CADM2: variants seen among roughly 807,000 people sequenced by gnomAD.
The protein encoded by CADM2 is immunoglobulin superfamily member 4D.
Under a neutral mutation model 49.8 loss-of-function variants are expected in CADM2, and 12 were observed. The observed-to-expected ratio is 0.24, with a 90% confidence interval of 0.15 to 0.39. The LOEUF (loss-of-function observed/expected upper bound fraction) is 0.39. Among genes scored for constraint, CADM2 ranks in the 10% least tolerant of loss-of-function variants. The probability of loss-of-function intolerance (pLI) is 1.00; values close to 1 mark genes in which losing one functional copy is unlikely to be tolerated. For synonymous variants in CADM2, 214 were observed against 175.4 expected, an observed-to-expected ratio of 1.22 and a Z score of -1.74; for missense variants, 378 against 492.3, an observed-to-expected ratio of 0.77 and a Z score of 2.20.
chr3:85,380,125 A>G (rs2033818752), intron 1 of CADM2, among the ~76,000 whole-genome samples: 1 of 152,020 alleles, frequency 6.6e-6, no homozygotes, highest in South Asian at 2.1e-4. Context: ...ATTAATATAG[A>G]TTATTAAATG....
At chr3:85,272,366 G>A (rs183375724) in intron 1 of CADM2, among the ~76,000 whole-genome samples, 2 of 150,992 alleles carry the variant, frequency 1.3e-5, no homozygotes, top group South Asian at 4.2e-4. Flanking sequence ...TGATGAAAAA[G>A]AAGTATGTTA....
intron 1 of CADM2, among the ~76,000 whole-genome samples, chr3:85,688,192 A>G (rs563591968): frequency 2.6e-5 from 4 of 152,306 alleles, no homozygotes; most frequent in South Asian, 2.1e-4. Flanking sequence ...TATACAACAT[A>G]GTGAATTATG....
At chr3:85,911,171 C>A (rs1717534945) in intron 5 of CADM2, among the ~76,000 whole-genome samples, 1 of 152,154 alleles carries the variant, frequency 6.6e-6, no homozygotes, top group East Asian at 1.9e-4. Flanking sequence ...AGCAAGAAAA[C>A]TGAATACACT....
chr3:85,922,627 T>A (rs1035914429), intron 6 of CADM2, among the ~76,000 whole-genome samples: 2 of 152,102 alleles, frequency 1.3e-5, no homozygotes, highest in Non-Finnish European at 2.9e-5. Flanking sequence ...TCAAAATGCA[T>A]CTCTACTGTG....
chr3:85,270,010 A>G (rs2043203706), intron 1 of CADM2, among the ~76,000 whole-genome samples: 1 of 151,226 alleles, frequency 6.6e-6, no homozygotes. Context: ...GGAAAAAAGA[A>G]GCATCATCTT....
intron 1 of CADM2, among the ~76,000 whole-genome samples, chr3:85,707,580 A>C (rs2066990573): frequency 6.6e-6 from 1 of 152,116 alleles, no homozygotes; most frequent in Non-Finnish European, 1.5e-5. Context: ...ATATTCCCAG[A>C]AAACAGGAAG....
intron 1 of CADM2, among the ~76,000 whole-genome samples, chr3:85,151,759 A>C (rs1203346616): frequency 6.6e-6 from 1 of 152,180 alleles, no homozygotes; most frequent in Non-Finnish European, 1.5e-5. Context: ...AGGTGAGGTC[A>C]AAGGTAGATT....
At chr3:85,763,599 A>G (rs1285019442) in intron 2 of CADM2, among the ~76,000 whole-genome samples, 1 of 152,120 alleles carries the variant, frequency 6.6e-6, no homozygotes, top group Admixed American at 6.6e-5. Context: ...TGGGTTGGTG[A>G]TGTGGCCATC....
At chr3:85,964,787 A>G (rs1452999409) in intron 8 of CADM2, among the ~76,000 whole-genome samples, 1 of 151,804 alleles carries the variant, frequency 6.6e-6, no homozygotes, top group African/African-American at 2.4e-5. Context: ...CAATGGAAAA[A>G]TTTATCTGTT....
rs531241580 is a variant in CADM2, at chr3:86,073,271, C to T, written c.*6488C>T. The stretch of plus-strand genomic sequence containing the variant: ...AAAATAAAATGTGCTATTTATATGA[C>T]ATGAAATTCATAACTTTTGGAAGGG... On this transcript the variant is annotated 3_prime_UTR_variant, in exon 10 of 10. Transcript: ENST00000383699. 5 of 151,998 alleles carry T rather than the reference C, an allele frequency of 3.3e-5. No homozygotes were observed. Among genetic ancestry groups the T allele is most frequent in the Non-Finnish European group, 7.4e-5 (5 of 67,896 alleles). The allele number at this position is 151,998 out of a possible 1,614,324, so 9.4% of individuals were successfully genotyped here.
At position 86,067,201 on chromosome 3, in the gene CADM2, G is replaced by C; in HGVS notation, c.*418G>C. ...AGCTTTCACAAGTAACAGGATTAGG[G>C]AAGGACATAATGTATTTAAGAATAA... On this transcript the variant is annotated 3_prime_UTR_variant, in exon 10 of 10. Coordinates refer to ENST00000383699, the MANE Select transcript of CADM2 (RefSeq NM_001167675.2). 1 of 157,798 alleles carries C rather than the reference G, an allele frequency of 6.3e-6. No individual in the cohort carries two copies. The highest frequency in any genetic ancestry group is 6.2e-5 in the Admixed American group (1 of 16,006). 9.8% of individuals were successfully genotyped at this position (157,798 alleles called of 1,614,324 possible).
intron 1 of CADM2, among the ~76,000 whole-genome samples, chr3:85,187,530 C>T (rs2041093872): frequency 6.6e-6 from 1 of 151,958 alleles, no homozygotes; most frequent in African/African-American, 2.4e-5. Flanking sequence ...ATTCACTTGT[C>T]ATTTTGTTTC....
At chr3:85,769,605 T>TAGTATATATATAC (rs2069951750) in intron 2 of CADM2, among the ~76,000 whole-genome samples, 1 of 94,848 alleles carries the variant, frequency 1.1e-5, no homozygotes, top group African/African-American at 3.7e-5. Context: ...TACACATATA[T>TAGTATATATATAC]ACATATATAC....
At chr3:85,421,095 G>A (rs1266710779) in intron 1 of CADM2, among the ~76,000 whole-genome samples, 2 of 152,142 alleles carry the variant, frequency 1.3e-5, no homozygotes, top group Non-Finnish European at 2.9e-5. Flanking sequence ...GAGCTGAGGT[G>A]AAAATGAGAT....
chr3:85,550,100 G>A (rs1195174596), intron 1 of CADM2, among the ~76,000 whole-genome samples: 1 of 152,152 alleles, frequency 6.6e-6, no homozygotes, highest in East Asian at 1.9e-4. Flanking sequence ...GAGATAGGGA[G>A]CAGTGAGTGA....
intron 1 of CADM2, among the ~76,000 whole-genome samples, chr3:85,167,147 A>G (rs143559040): frequency 6.6e-6 from 1 of 152,132 alleles, no homozygotes; most frequent in Non-Finnish European, 1.5e-5. Context: ...TATTTTAAGG[A>G]ATATGTACTT....
chr3:85,291,169 A>G (rs1171399151), intron 1 of CADM2, among the ~76,000 whole-genome samples: 1 of 152,210 alleles, frequency 6.6e-6, no homozygotes, highest in Non-Finnish European at 1.5e-5. Context: ...GATGCGATCA[A>G]CTGGAAGAAA....
intron 1 of CADM2, among the ~76,000 whole-genome samples, chr3:85,059,071 C>G (rs978828819): frequency 2.0e-5 from 3 of 151,718 alleles, no homozygotes; most frequent in Non-Finnish European, 4.4e-5. Context: ...AACCCTGTCT[C>G]CACTAAAAAT....
intron 8 of CADM2, among the ~76,000 whole-genome samples, chr3:86,026,115 G>C (rs1733874576): frequency 6.6e-6 from 1 of 152,070 alleles, no homozygotes; most frequent in Admixed American, 6.6e-5. Flanking sequence ...TTTTAAGTTG[G>C]GGGATGCTCT....
Sources: gnomAD v4.1 joint callset for allele counts (sites outside exome capture counted in the v4.1 genomes callset) on GRCh38, gnomAD v4.1.1 for gene constraint, MANE v1.5 for transcripts, NCBI Gene and HGNC (gene_info 2026-07-23, HGNC 2026-07-21) for gene names.